Variants in ZNF138 observed in about 807,000 individuals in gnomAD.
The protein encoded by ZNF138 is zinc finger protein 138.
In ZNF138, 33 loss-of-function variants were observed where a neutral mutation model predicts 33.0. The ratio of observed to expected loss-of-function variants is 1.00; its 90% CI spans 0.76 to 1.34. ZNF138 has a LOEUF of 1.34. ZNF138 is among the 40% of genes most tolerant of loss of function. The pLI, the probability that ZNF138 is intolerant of heterozygous loss-of-function variation, is 0.00. For missense variants in ZNF138, 360 were observed against 370.8 expected (o/e 0.97, Z 0.24); for synonymous variants, 139 against 120.4 (o/e 1.15, Z -1.01).
chr7:64,845,597 G>T, the ZNF138 span, among the ~76,000 whole-genome samples: 1 of 152,150 alleles, frequency 6.6e-6, no homozygotes, highest in African/African-American at 2.4e-5. Context: ...ATTATTTTTT[G>T]ATTATTTGAT....
chr7:64,836,106 C>G (rs757759884), downstream of ZNF138: 1 of 152,068 alleles, frequency 6.6e-6, no homozygotes, highest in Non-Finnish European at 1.5e-5. Flanking sequence ...TCTGGTTACA[C>G]CAAGAGGCAT....
At chr7:64,808,912 G>C (rs1283757412) in intron 1 of ZNF138, among the ~76,000 whole-genome samples, 1 of 140,720 alleles carries the variant, frequency 7.1e-6, no homozygotes, top group Non-Finnish European at 1.6e-5. Context: ...TAAGGTCACA[G>C]ATCAACAGGA....
downstream of ZNF138, chr7:64,833,713 T>C (rs1338121666): frequency 5.9e-5 from 9 of 151,410 alleles, no homozygotes; most frequent in African/African-American, 2.2e-4. Flanking sequence ...GTGGTTTGTT[T>C]GTTTGTTTGT....
intron 3 of ZNF138, among the ~76,000 whole-genome samples, chr7:64,823,378 C>G (rs1315602451): frequency 6.6e-6 from 1 of 151,996 alleles, no homozygotes; most frequent in Non-Finnish European, 1.5e-5. Flanking sequence ...CTATGTCACC[C>G]AGGCTGGAGT....
chr7:64,804,047 CA>C (rs1787372443), intron 1 of ZNF138, among the ~76,000 whole-genome samples: 1 of 152,122 alleles, frequency 6.6e-6, no homozygotes, highest in Admixed American at 6.5e-5. Flanking sequence ...AGTCATATTC[CA>C]ATTCTTCATT....
chr7:64,831,861 T>C lies in ZNF138; in HGVS notation c.619T>C (p.Ser207Pro). The C allele has an allele frequency of 6.2e-7, 1 of 1,613,852 alleles. No homozygotes were observed. The highest frequency in any genetic ancestry group is 1.1e-5 in the South Asian group (1 of 91,062). Residue 207 changes from serine to proline, a missense_variant, in exon 4 of 4, where the codon TCC becomes CCC. Transcript: ENST00000307355. ...CEECGKTFNW[S>P]TNLSKPKKIH... ...AGAGTGTGGAAAAACCTTTAACTGG[T>C]CCACAAACCTTTCTAAACCTAAGAA...
At chr7:64,814,768 A>C in intron 1 of ZNF138, 150 bp from the exon 2 acceptor site, 2 of 1,054,596 alleles carry the variant, frequency 1.9e-6, no homozygotes, top group Middle Eastern at 2.6e-4. Context: ...GTCTCAAAAA[A>C]AAAAAATTAT....
intron 1 of ZNF138, among the ~76,000 whole-genome samples, chr7:64,798,618 C>T (rs1248481821): frequency 6.6e-6 from 1 of 151,628 alleles, no homozygotes; most frequent in Admixed American, 6.6e-5. Flanking sequence ...ATGGAGAAAC[C>T]CTACAAAAAA....
intron 3 of ZNF138, among the ~76,000 whole-genome samples, chr7:64,826,548 T>C (rs1358676628): frequency 2.0e-5 from 3 of 152,216 alleles, no homozygotes; most frequent in African/African-American, 7.2e-5. Flanking sequence ...CCCAAAGTGC[T>C]GAGATTACAG....
At chr7:64,818,824 G>A (rs1366003604) in intron 3 of ZNF138, among the ~76,000 whole-genome samples, 1 of 151,702 alleles carries the variant, frequency 6.6e-6, no homozygotes, top group Non-Finnish European at 1.5e-5. Flanking sequence ...CATTTCCTCT[G>A]AAATTTTACT....
intron 3 of ZNF138, chr7:64,831,206 C>T: frequency 1.5e-6 from 2 of 1,291,874 alleles, no homozygotes; most frequent in Non-Finnish European, 2.1e-6. Flanking sequence ...TTTTCTCTCT[C>T]TTCTGTGTGG....
At chr7:64,852,549 A>T in the ZNF138 span, 1 of 1,570,708 alleles carries the variant, frequency 6.4e-7, no homozygotes, top group East Asian at 2.2e-5. Context: ...TATTTGGGGG[A>T]CTTTATCTCT....
In ZNF138 at chr7:64,831,682, T is replaced by C. The variant is rs150489174; in HGVS notation, c.440T>C (p.Val147Ala). 12 of 1,607,864 alleles carry C rather than the reference T, an allele frequency of 7.5e-6. No individual in the cohort carries two copies. The African/African-American group carries it at 1.3e-4, about 18-fold the overall frequency. ...KIFQCNKYVKVMHKFSNSNRH... is the reference protein window; with the variant it reads ...KIFQCNKYVKAMHKFSNSNRH... ...TTTCAATGTAATAAATATGTAAAAG[T>C]CATGCATAAATTTTCAAATTCAAAT... Residue 147 changes from valine to alanine, a missense_variant, in exon 4 of 4, where the codon GTC becomes GCC. By Grantham distance (64) the Val-to-Ala change is moderately conservative. Coordinates refer to ENST00000307355, the MANE Select transcript of ZNF138 (RefSeq NM_001271639.2).
chr7:64,826,139 A>G (rs776767538), intron 3 of ZNF138, among the ~76,000 whole-genome samples: 5 of 152,078 alleles, frequency 3.3e-5, no homozygotes, highest in Non-Finnish European at 5.9e-5. Context: ...AGTTTAATTT[A>G]TATTTAAATT....
At position 64,822,799 on chromosome 7, in the gene ZNF138, G is replaced by A. The variant is rs192577514; in HGVS notation, c.208+7146G>A. 9.9e-5 allele frequency among the ~76,000 whole-genome samples: 15 copies of A among 152,176 alleles called. No individual in the cohort carries two copies. In the East Asian group the frequency reaches 1.9e-3, roughly 20 times the overall value. On this transcript the variant is annotated intron_variant, in intron 3 of 3. Coordinates refer to ENST00000307355, the MANE Select transcript of ZNF138 (RefSeq NM_001271639.2). ...TAAACTATTTCTGTAAAAAGATTGC[G>A]CTATTAGAATTTTGTTAGAGATTAT...
chr7:64,846,083 T>G, the ZNF138 span, among the ~76,000 whole-genome samples: 1 of 152,306 alleles, frequency 6.6e-6, no homozygotes, highest in African/African-American at 2.4e-5. Flanking sequence ...AGTATTTGAG[T>G]GTATTTCTGG....
the ZNF138 span, among the ~76,000 whole-genome samples, chr7:64,845,710 C>T: frequency 6.6e-6 from 1 of 152,124 alleles, no homozygotes; most frequent in Non-Finnish European, 1.5e-5. Flanking sequence ...GTTTGCTGGC[C>T]ATTTTTATAT....
At chr7:64,805,118 G>A (rs946044240) in intron 1 of ZNF138, among the ~76,000 whole-genome samples, 4 of 152,132 alleles carry the variant, frequency 2.6e-5, no homozygotes, top group African/African-American at 9.7e-5. Context: ...GAAACTGATG[G>A]CCGGGCGCAG....
chr7:64,836,670 A>AT (rs1192945026), downstream of ZNF138: 4 of 152,216 alleles, frequency 2.6e-5, no homozygotes, highest in Non-Finnish European at 5.9e-5. Context: ...TTAATGCCTC[A>AT]TGGATATTGC....
Sources: allele counts gnomAD v4.1 joint callset (sites outside exome capture counted in the v4.1 genomes callset), GRCh38; gene constraint gnomAD v4.1.1; transcripts MANE v1.5; gene names NCBI Gene and HGNC (gene_info 2026-07-23, HGNC 2026-07-21).